Variants in ROBO2 observed in about 807,000 individuals in gnomAD.
ROBO2 encodes the protein roundabout homolog 2.
Under a neutral mutation model 160.8 loss-of-function variants are expected in ROBO2, and 53 were observed. That is an observed-to-expected ratio of 0.33 (90% CI 0.26 to 0.41). The LOEUF is 0.41. Among genes scored for constraint, ROBO2 ranks in the 10% least tolerant of loss-of-function variants. ROBO2 has a pLI of 1.00. For missense variants in ROBO2, 1,577 were observed against 1,722.4 expected (o/e 0.92, Z 1.49); for synonymous variants, 664 against 611.7 (o/e 1.09, Z -1.26).
chr3:76,770,751 C>T (rs1248623379), intron 2 of ROBO2, among the ~76,000 whole-genome samples: 2 of 151,200 alleles, frequency 1.3e-5, no homozygotes, highest in Non-Finnish European at 3.0e-5. Context: ...GACCATAAGT[C>T]TAAACCAAAG....
intron 2 of ROBO2, among the ~76,000 whole-genome samples, chr3:77,137,939 C>T (rs902731243): frequency 6.6e-6 from 1 of 152,108 alleles, no homozygotes; most frequent in African/African-American, 2.4e-5. Context: ...CCCTTCCAAG[C>T]AAATGCAGTT....
At chr3:77,021,741 T>C (rs145571920) in intron 2 of ROBO2, among the ~76,000 whole-genome samples, 1 of 152,326 alleles carries the variant, frequency 6.6e-6, no homozygotes, top group African/African-American at 2.4e-5. Context: ...GGATTAATGC[T>C]GTTATTGTGG....
intron 12 of ROBO2, among the ~76,000 whole-genome samples, chr3:77,565,351 A>G (rs902553637): frequency 5.3e-5 from 8 of 152,098 alleles, no homozygotes; most frequent in African/African-American, 1.7e-4. Flanking sequence ...GGGTACCTCT[A>G]CGTCGAATGA....
intron 5 of ROBO2, among the ~76,000 whole-genome samples, chr3:77,506,027 A>G (rs1211281598): frequency 6.6e-6 from 1 of 152,130 alleles, no homozygotes; most frequent in Non-Finnish European, 1.5e-5. Flanking sequence ...CAGAGGAGAA[A>G]ACTGAAGGTT....
At chr3:75,944,571 T>C (rs1038642513) in intron 2 of ROBO2, among the ~76,000 whole-genome samples, 2 of 152,162 alleles carry the variant, frequency 1.3e-5, no homozygotes, top group Admixed American at 6.5e-5. Context: ...GTTCATAGTG[T>C]TTGTCTTTAA....
At chr3:77,349,505 G>A (rs2068066541) in intron 2 of ROBO2, among the ~76,000 whole-genome samples, 1 of 152,138 alleles carries the variant, frequency 6.6e-6, no homozygotes, top group Non-Finnish European at 1.5e-5. Context: ...GACGTGTAAT[G>A]AGTCACTTAC....
intron 2 of ROBO2, among the ~76,000 whole-genome samples, chr3:76,851,873 A>C: frequency 6.6e-6 from 1 of 152,056 alleles, no homozygotes; most frequent in Admixed American, 6.5e-5. Context: ...TAGACAGGGA[A>C]TCTGAAGGTT....
At chr3:77,375,523 C>T (rs1436500328) in intron 2 of ROBO2, among the ~76,000 whole-genome samples, 1 of 152,134 alleles carries the variant, frequency 6.6e-6, no homozygotes, top group Non-Finnish European at 1.5e-5. Context: ...CTTGTGTTGA[C>T]TAGTAATCTT....
chr3:75,942,752 A>G (rs576598536), intron 2 of ROBO2, among the ~76,000 whole-genome samples: 16 of 152,278 alleles, frequency 1.1e-4, no homozygotes, highest in South Asian at 2.1e-4. Context: ...CAGAGAAAGT[A>G]TTACAGCAGT....
At chr3:76,343,423 C>G (rs2074346250) in intron 2 of ROBO2, among the ~76,000 whole-genome samples, 1 of 151,974 alleles carries the variant, frequency 6.6e-6, no homozygotes, top group South Asian at 2.1e-4. Context: ...AGGTGTCTAT[C>G]TGCATAAGGT....
intron 1 of ROBO2, among the ~76,000 whole-genome samples, chr3:77,051,781 T>TA (rs1345434403): frequency 6.6e-6 from 1 of 152,174 alleles, no homozygotes; most frequent in African/African-American, 2.4e-5. Context: ...TGCAAGGATA[T>TA]ACCTGGGAGG....
At chr3:76,244,147 A>G (rs1398559058) in intron 2 of ROBO2, among the ~76,000 whole-genome samples, 14 of 152,240 alleles carry the variant, frequency 9.2e-5, no homozygotes, top group Admixed American at 9.2e-4. Flanking sequence ...GGAACAAGGC[A>G]ACTGAAGTTT....
chr3:76,255,834 T>C (rs2107572719), intron 2 of ROBO2, among the ~76,000 whole-genome samples: 1 of 152,108 alleles, frequency 6.6e-6, no homozygotes, highest in South Asian at 2.1e-4. Context: ...CCCACGTTAT[T>C]TAGGTTGAGA....
intron 2 of ROBO2, among the ~76,000 whole-genome samples, chr3:77,319,639 G>A (rs941183989): frequency 1.3e-5 from 2 of 152,114 alleles, no homozygotes; most frequent in African/African-American, 4.8e-5. Flanking sequence ...AGACGCTTTT[G>A]TATCTTTTTC....
intron 2 of ROBO2, among the ~76,000 whole-genome samples, chr3:77,286,941 C>T (rs2060641771): frequency 6.6e-6 from 1 of 152,188 alleles, no homozygotes; most frequent in South Asian, 2.1e-4. Flanking sequence ...TCACTCCTGA[C>T]TCCTTTGTAC....
intron 2 of ROBO2, among the ~76,000 whole-genome samples, chr3:76,543,237 A>G (rs1297833877): frequency 6.6e-6 from 1 of 152,148 alleles, no homozygotes; most frequent in Non-Finnish European, 1.5e-5. Context: ...TTGTCCCCAA[A>G]TTTATATGTA....
intron 2 of ROBO2, among the ~76,000 whole-genome samples, chr3:76,420,562 A>G (rs749790408): frequency 1.3e-4 from 20 of 152,218 alleles, no homozygotes; most frequent in Non-Finnish European, 1.0e-4. Flanking sequence ...ATGTTCATTA[A>G]TAAGTAAACT....
chr3:76,440,586 C>T (rs1004413202), intron 2 of ROBO2, among the ~76,000 whole-genome samples: 6 of 152,122 alleles, frequency 3.9e-5, no homozygotes, highest in African/African-American at 1.4e-4. Context: ...CAATTCCTCT[C>T]ATAAGTCAGG....
chr3:76,631,449 G>GC (rs2090025453), intron 2 of ROBO2, among the ~76,000 whole-genome samples: 1 of 152,044 alleles, frequency 6.6e-6, no homozygotes, highest in South Asian at 2.1e-4. Flanking sequence ...GTATTTTGCA[G>GC]CCCAAGGGCA....
Sources: allele counts gnomAD v4.1 joint callset (sites outside exome capture counted in the v4.1 genomes callset), GRCh38; gene constraint gnomAD v4.1.1; transcripts MANE v1.5; gene names NCBI Gene and HGNC (gene_info 2026-07-23, HGNC 2026-07-21).